The following GARNL3 variants were observed in gnomAD, a reference collection of about 807,000 sequenced individuals.
The protein encoded by GARNL3 is GTPase activating Rap/RanGAP domain like 3.
A neutral mutation model predicts 125.0 loss-of-function variants in GARNL3; 63 were observed. That is an observed-to-expected ratio of 0.50 (90% CI 0.41 to 0.62). The LOEUF is 0.62. GARNL3 is among the 20% of genes least tolerant of loss of function. GARNL3 has a pLI of 0.00. For missense variants in GARNL3, 994 were observed against 1,244.0 expected, an observed-to-expected ratio of 0.80 and a Z score of 3.02; for synonymous variants, 439 against 457.5, an observed-to-expected ratio of 0.96 and a Z score of 0.52.
intron 1 of GARNL3, among the ~76,000 whole-genome samples, chr9:127,232,400 C>G (rs2063034678): frequency 1.3e-5 from 2 of 152,192 alleles, no homozygotes; most frequent in African/African-American, 4.8e-5. Context: ...CCTTGAACTC[C>G]TGGGCTCGAT....
intron 22 of GARNL3, 33 bp from the exon 23 acceptor site, chr9:127,383,405 A>C: frequency 7.2e-7 from 1 of 1,389,576 alleles, no homozygotes; most frequent in South Asian, 1.2e-5. Flanking sequence ...TGTTGTCTCT[A>C]ACAAAAATGA....
chr9:127,236,890 T>G (rs1437941616), intron 1 of GARNL3, among the ~76,000 whole-genome samples: 1 of 152,214 alleles, frequency 6.6e-6, no homozygotes, highest in African/African-American at 2.4e-5. Flanking sequence ...CCATTACTCC[T>G]GCCAGAAGAA....
At chr9:127,306,132 G>C (rs2064947138) in intron 2 of GARNL3, among the ~76,000 whole-genome samples, 1 of 152,112 alleles carries the variant, frequency 6.6e-6, no homozygotes, top group Admixed American at 6.6e-5. Context: ...AATCCCCTTG[G>C]AAATCTGCTA....
intron 22 of GARNL3, among the ~76,000 whole-genome samples, chr9:127,376,374 T>A (rs1440335808): frequency 4.6e-5 from 7 of 151,712 alleles, no homozygotes; most frequent in South Asian, 2.1e-4. Context: ...GCCTGCCACC[T>A]TGCCCGGCTA....
chr9:127,288,124 G>A (rs559485720), intron 1 of GARNL3, among the ~76,000 whole-genome samples: 1 of 152,292 alleles, frequency 6.6e-6, no homozygotes, highest in South Asian at 2.1e-4. Context: ...GAGCGCCTGA[G>A]GAAAGACAGG....
chr9:127,359,141 G>T (rs1479788830), intron 21 of GARNL3, among the ~76,000 whole-genome samples: 1 of 150,704 alleles, frequency 6.6e-6, no homozygotes, highest in Non-Finnish European at 1.5e-5. Flanking sequence ...GGACCAGCAT[G>T]TCTTCCTGCC....
Position 127,357,311 on chromosome 9 carries a change from C to G in GARNL3, c.2028C>G (p.His676Gln), listed in dbSNP as rs1588923887. 1.9e-6 allele frequency: 3 copies of G among 1,614,210 alleles called. No individual in the cohort carries two copies. The highest frequency in any genetic ancestry group is 2.5e-6 in the Non-Finnish European group (3 of 1,180,036). Residue 676 changes from histidine to glutamine, a missense_variant, in exon 21 of 28, where the codon CAC becomes CAG. Around this residue, in one of 5 missense-constraint regions of GARNL3, gnomAD observed 728 missense variants for 865.7 expected, o/e 0.84. Transcript: ENST00000373387. The part of the protein sequence containing the change: ...SDNLICVAYR[H>Q]QFDVVNESTG... Reference sequence around the variant, plus strand: ...ATCTCATCTGTGTGGCTTATCGACACCAATTTGATGTGGTGAATGAGAGCA... The same window carrying G: ...ATCTCATCTGTGTGGCTTATCGACAGCAATTTGATGTGGTGAATGAGAGCA...
chr9:127,355,379 C>T lies in GARNL3; in HGVS notation c.1842C>T (p.Ile614=). 1 of 1,614,198 alleles carries T rather than the reference C, an allele frequency of 6.2e-7. No individual in the cohort carries two copies. The part of the protein sequence containing the change: ...VVAIRNKLLL[I]TRKHNKPSGV... ...CAATTCGGAATAAACTGCTTCTGAT[C>T]ACAAGAAAACACAACAAGCCAAGCG... is the stretch of plus-strand genomic sequence containing the variant. The change falls in exon 20 of 28, where the codon ATC becomes ATT. Residue 614 remains isoleucine (I), a synonymous_variant. Coordinates refer to ENST00000373387, the MANE Select transcript of GARNL3 (RefSeq NM_032293.5).
chr9:127,354,459 T>C lies in GARNL3; in HGVS notation c.1759+49T>C, dbSNP rs751642654. 1.8e-5 allele frequency: 19 copies of C among 1,073,988 alleles called. No homozygotes were observed. The Admixed American group carries it at 1.9e-4, about 11-fold the overall frequency. 66.5% of individuals were successfully genotyped at this position (1,073,988 alleles called of 1,614,324 possible). On this transcript the variant is annotated intron_variant, in intron 19 of 27. Coordinates refer to ENST00000373387, the MANE Select transcript of GARNL3 (RefSeq NM_032293.5). ...CCATTCGATTCGTTTTTTTTTTTCC[T>C]CAGGCTGCCCAGGTTTTACTGAAAA...
At chr9:127,387,000 A>G (rs1832574280) in intron 24 of GARNL3, 193 bp from the exon 25 acceptor site, 3 of 497,906 alleles carry the variant, frequency 6.0e-6, no homozygotes, top group South Asian at 3.8e-5. Flanking sequence ...TGGAATACTC[A>G]GGAAAAGTGT....
chr9:127,393,295 A>C lies in GARNL3; in HGVS notation c.*41A>C, dbSNP rs367797803. On this transcript the variant is annotated 3_prime_UTR_variant, in exon 28 of 28. Coordinates refer to ENST00000373387, the MANE Select transcript of GARNL3 (RefSeq NM_032293.5). ...TTTGCCATCTTTAGTTTTCTTATGG[A>C]GGTTTATACTCTTTAAACAGTTCTG... is the stretch of plus-strand genomic sequence containing the variant. The C allele has an allele frequency of 3.2e-6, 5 of 1,548,954 alleles. No homozygotes were observed. In the African/African-American group the frequency reaches 6.8e-5, roughly 21 times the overall value.
At chr9:127,283,454 T>TTC (rs2064155284) in intron 1 of GARNL3, among the ~76,000 whole-genome samples, 1 of 152,150 alleles carries the variant, frequency 6.6e-6, no homozygotes, top group South Asian at 2.1e-4. Context: ...GAGGATCACT[T>TTC]GAGACTAAGA....
intron 13 of GARNL3, among the ~76,000 whole-genome samples, chr9:127,340,048 T>C (rs1360014832): frequency 5.9e-5 from 9 of 152,182 alleles, no homozygotes; most frequent in African/African-American, 1.9e-4. Flanking sequence ...CATTGCTGAA[T>C]CTCTGCTTGT....
At chr9:127,319,905 G>A (rs2065349314) in intron 5 of GARNL3, among the ~76,000 whole-genome samples, 2 of 152,174 alleles carry the variant, frequency 1.3e-5, no homozygotes, top group African/African-American at 4.8e-5. Context: ...GCAAGGTACA[G>A]CAAGATTTTA....
intron 2 of GARNL3, among the ~76,000 whole-genome samples, chr9:127,258,483 A>G (rs1023507672): frequency 6.6e-6 from 1 of 152,008 alleles, no homozygotes; most frequent in Admixed American, 6.6e-5. Context: ...CTACAAAAAT[A>G]TGAAAATTAG....
intron 4 of GARNL3, among the ~76,000 whole-genome samples, chr9:127,314,386 T>G (rs1251089810): frequency 6.6e-6 from 1 of 152,154 alleles, no homozygotes; most frequent in Non-Finnish European, 1.5e-5. Flanking sequence ...GGGCCTCTGG[T>G]TCAAATGCTC....
intron 1 of GARNL3, among the ~76,000 whole-genome samples, chr9:127,273,807 G>T (rs1264329980): frequency 6.6e-6 from 1 of 152,196 alleles, no homozygotes; most frequent in Non-Finnish European, 1.5e-5. Flanking sequence ...AAGCTGGTTT[G>T]TTGTTAACCT....
intron 2 of GARNL3, among the ~76,000 whole-genome samples, chr9:127,253,591 T>A (rs756067554): frequency 6.6e-6 from 1 of 151,292 alleles, no homozygotes; most frequent in Non-Finnish European, 1.5e-5. Flanking sequence ...GAAGGAGGAG[T>A]TTGGAGGGAG....
intron 2 of GARNL3, among the ~76,000 whole-genome samples, chr9:127,297,292 C>T (rs1322342967): frequency 6.6e-6 from 1 of 152,066 alleles, no homozygotes; most frequent in African/African-American, 2.4e-5. Flanking sequence ...GCGCAGGCCA[C>T]CACGTCTGGC....
Sources: gnomAD v4.1 joint callset for allele counts (sites outside exome capture counted in the v4.1 genomes callset) on GRCh38, gnomAD v4.1.1 for gene constraint, gnomAD v4.1.1 regional missense constraint, MANE v1.5 for transcripts, NCBI Gene and HGNC (gene_info 2026-07-23, HGNC 2026-07-21) for gene names.